Variants in GRID2 observed in about 807,000 individuals in gnomAD.
GRID2 encodes glutamate receptor ionotropic, delta-2.
GRID2 carries 33 observed loss-of-function variants against 114.8 expected under a neutral mutation model. That is an observed-to-expected ratio of 0.29 (90% CI 0.22 to 0.38). GRID2 has a LOEUF of 0.38. Ranked by LOEUF, GRID2 falls within the 10% of genes least tolerant of loss-of-function variation. The pLI is 1.00. For synonymous variants in GRID2, 505 were observed against 449.9 expected (o/e 1.12, Z -1.55); for missense variants, 1,184 against 1,257.7 (o/e 0.94, Z 0.89).
chr4:92,453,560 C>A (rs902074034), intron 1 of GRID2, among the ~76,000 whole-genome samples: 9 of 152,084 alleles, frequency 5.9e-5, no homozygotes, highest in African/African-American at 2.2e-4. Context: ...CGTTGTGTTA[C>A]TCTTATGCAT....
chr4:93,101,787 A>C (rs965624591), intron 3 of GRID2, among the ~76,000 whole-genome samples: 2 of 152,108 alleles, frequency 1.3e-5, no homozygotes, highest in Admixed American at 6.6e-5. Context: ...AACTGGCCTA[A>C]ATAAGTAACA....
chr4:93,381,366 T>C (rs1763839927), intron 8 of GRID2, among the ~76,000 whole-genome samples: 1 of 152,132 alleles, frequency 6.6e-6, no homozygotes, highest in Admixed American at 6.6e-5. Context: ...CTTAGCATAA[T>C]GTCCTCAAGG....
At chr4:93,279,977 A>G (rs1179147182) in intron 8 of GRID2, among the ~76,000 whole-genome samples, 4 of 151,988 alleles carry the variant, frequency 2.6e-5, no homozygotes, top group Non-Finnish European at 4.4e-5. Context: ...AGCAAGATGT[A>G]TATGGCAGCA....
At chr4:92,895,699 G>A (rs1747117877) in intron 2 of GRID2, among the ~76,000 whole-genome samples, 1 of 151,954 alleles carries the variant, frequency 6.6e-6, no homozygotes, top group African/African-American at 2.4e-5. Context: ...TCCTTAGAAT[G>A]TGTTAACTAA....
chr4:92,872,899 A>T (rs540081684), intron 2 of GRID2, among the ~76,000 whole-genome samples: 1 of 152,228 alleles, frequency 6.6e-6, no homozygotes, highest in Admixed American at 6.5e-5. Context: ...AATTTTTGGT[A>T]AGTACATGCT....
rs537839071 is a variant in GRID2, at chr4:92,985,422, A to G, written c.245-99573A>G. ...GCTAAATTTTTTTGTATTTTTTAGT[A>G]GAGACGGGGTTTCACCGTGTTAGCC... On this transcript the variant is annotated intron_variant, in intron 2 of 15. Coordinates refer to ENST00000282020, the MANE Select transcript of GRID2 (RefSeq NM_001510.4). Among the ~76,000 whole-genome samples the G allele has an allele frequency of 3.9e-5, 6 of 152,084 alleles. No homozygotes were observed. The South Asian group carries it at 1.0e-3, about 26-fold the overall frequency.
intron 2 of GRID2, among the ~76,000 whole-genome samples, chr4:92,812,128 A>G (rs930834769): frequency 2.6e-5 from 4 of 152,176 alleles, no homozygotes; most frequent in Non-Finnish European, 4.4e-5. Flanking sequence ...GTTTTTAGCA[A>G]TAGCTTATTA....
At chr4:93,138,241 T>C (rs1012826312) in intron 4 of GRID2, among the ~76,000 whole-genome samples, 1 of 152,164 alleles carries the variant, frequency 6.6e-6, no homozygotes, top group Non-Finnish European at 1.5e-5. Flanking sequence ...TCCCAAAGTA[T>C]TGGGATTACA....
intron 7 of GRID2, among the ~76,000 whole-genome samples, chr4:93,236,342 G>C (rs1178721566): frequency 1.3e-5 from 2 of 152,074 alleles, no homozygotes; most frequent in Non-Finnish European, 2.9e-5. Context: ...ATTCTGCATG[G>C]CTCCCCAGGT....
chr4:93,024,912 GAGA>G (rs1723746023), intron 2 of GRID2, among the ~76,000 whole-genome samples: 1 of 151,674 alleles, frequency 6.6e-6, no homozygotes, highest in East Asian at 1.9e-4. Context: ...GGAGAAAAAA[GAGA>G]AGACCAGCTG....
chr4:93,469,666 T>C (rs1724619877), intron 11 of GRID2, among the ~76,000 whole-genome samples: 1 of 152,110 alleles, frequency 6.6e-6, no homozygotes, highest in African/African-American at 2.4e-5. Context: ...AAAGGCCATC[T>C]GGAGTATAAG....
chr4:93,806,328 C>T (rs1735033066), intron 1 of GRID2, among the ~76,000 whole-genome samples: 1 of 152,194 alleles, frequency 6.6e-6, no homozygotes, highest in Non-Finnish European at 1.5e-5. Flanking sequence ...TGTATATCGA[C>T]ACCAACTTTG....
intron 2 of GRID2, among the ~76,000 whole-genome samples, chr4:93,052,396 G>C (rs536686642): frequency 7.2e-5 from 11 of 151,990 alleles, no homozygotes; most frequent in African/African-American, 2.6e-4. Context: ...TTTTGTAGTT[G>C]TAGGAACAGT....
chr4:92,985,680 T>C (rs1754476312), intron 2 of GRID2, among the ~76,000 whole-genome samples: 1 of 152,166 alleles, frequency 6.6e-6, no homozygotes, highest in Non-Finnish European at 1.5e-5. Flanking sequence ...TTTGATGACT[T>C]TGTCCTTTAA....
chr4:93,788,159 A>T (rs1484037762), intron 1 of GRID2, among the ~76,000 whole-genome samples: 1 of 152,104 alleles, frequency 6.6e-6, no homozygotes. Flanking sequence ...TCTACTAAAA[A>T]TACAAAATAT....
At chr4:92,641,038 A>T (rs1273559352) in intron 2 of GRID2, among the ~76,000 whole-genome samples, 1 of 151,738 alleles carries the variant, frequency 6.6e-6, no homozygotes, top group Non-Finnish European at 1.5e-5. Flanking sequence ...AGGGAAGGAA[A>T]GAAAAAACTT....
intron 8 of GRID2, among the ~76,000 whole-genome samples, chr4:93,339,365 A>C (rs758999074): frequency 2.0e-5 from 3 of 152,166 alleles, no homozygotes; most frequent in Non-Finnish European, 4.4e-5. Flanking sequence ...TGTAAGAAGG[A>C]CCCACTGACG....
intron 5 of GRID2, among the ~76,000 whole-genome samples, chr4:93,213,570 G>C (rs995676969): frequency 6.6e-6 from 1 of 152,066 alleles, no homozygotes; most frequent in Admixed American, 6.6e-5. Context: ...GATGCTAAGA[G>C]GTATAAGAAT....
chr4:92,853,553 A>C (rs1009899992), intron 2 of GRID2, among the ~76,000 whole-genome samples: 31 of 152,024 alleles, frequency 2.0e-4, no homozygotes, highest in Non-Finnish European at 4.3e-4. Context: ...AAATAAAGAC[A>C]CATGACTTCC....
Sources: allele counts gnomAD v4.1 joint callset (sites outside exome capture counted in the v4.1 genomes callset), GRCh38; gene constraint gnomAD v4.1.1; transcripts MANE v1.5; gene names NCBI Gene and HGNC (gene_info 2026-07-23, HGNC 2026-07-21).